Variants in IL15 observed in about 807,000 individuals in gnomAD.
The protein encoded by IL15 is interleukin 15, also known as interleukin-15.
A neutral mutation model predicts 19.6 loss-of-function variants in IL15; 11 were observed. That is an observed-to-expected ratio of 0.56 (90% CI 0.35 to 0.93). The LOEUF is 0.93. Among genes scored for constraint, IL15 ranks in the 40% least tolerant of loss-of-function variants. IL15 has a pLI of 0.01. For missense variants in IL15, 197 were observed against 186.5 expected, an observed-to-expected ratio of 1.06 and a Z score of -0.33; for synonymous variants, 58 against 59.6, an observed-to-expected ratio of 0.97 and a Z score of 0.12.
intron 2 of IL15, among the ~76,000 whole-genome samples, chr4:141,679,115 G>A (rs1458667287): frequency 3.9e-5 from 6 of 152,128 alleles, no homozygotes; most frequent in Admixed American, 3.3e-4. Context: ...GGTATTAGGA[G>A]CAGTATGGAT....
chr4:141,641,155 C>A (rs1455215976), intron 1 of IL15, among the ~76,000 whole-genome samples: 1 of 152,152 alleles, frequency 6.6e-6, no homozygotes, highest in Admixed American at 6.5e-5. Flanking sequence ...CTTAATTGAA[C>A]ATTTTACTGT....
At position 141,661,555 on chromosome 4, in the gene IL15, T is replaced by C. The variant is rs184548823; in HGVS notation, c.-100+5248T>C. 5.5e-4 allele frequency among the ~76,000 whole-genome samples: 84 copies of C among 152,320 alleles called. 1 individual carries two copies. The East Asian group carries it at 0.01, about 19-fold the overall frequency. The stretch of plus-strand genomic sequence containing the variant: ...ATCCTGACAGGCAGAGTCGGATTCC[T>C]GCCTGCACTGTGCACTTAGTGCCTG... On this transcript the variant is annotated intron_variant, in intron 2 of 7. Transcript: ENST00000320650.
intron 2 of IL15, among the ~76,000 whole-genome samples, chr4:141,696,162 C>A (rs1379320162): frequency 1.3e-5 from 2 of 152,020 alleles, no homozygotes; most frequent in Non-Finnish European, 2.9e-5. Context: ...TGTGATGATG[C>A]AATTTTCCAG....
chr4:141,721,164 A>G (rs1329447484), intron 4 of IL15: 1 of 1,265,010 alleles, frequency 7.9e-7, no homozygotes, highest in Non-Finnish European at 1.1e-6. Flanking sequence ...ATTGGGAACC[A>G]TAGATTTGTG....
At chr4:141,649,758 T>G (rs972883123) in intron 1 of IL15, among the ~76,000 whole-genome samples, 3 of 152,082 alleles carry the variant, frequency 2.0e-5, no homozygotes, top group African/African-American at 7.2e-5. Context: ...CAATTAAATA[T>G]GGTTTATTTG....
chr4:141,652,171 T>G (rs899056409), intron 1 of IL15, among the ~76,000 whole-genome samples: 1 of 152,140 alleles, frequency 6.6e-6, no homozygotes, highest in African/African-American at 2.4e-5. Context: ...TTTATAATAA[T>G]AGTTTTGATA....
chr4:141,645,275 G>A (rs1164195922), intron 1 of IL15, among the ~76,000 whole-genome samples: 2 of 152,052 alleles, frequency 1.3e-5, no homozygotes, highest in Non-Finnish European at 2.9e-5. Context: ...ATTTTTAGAA[G>A]CCTTTTGACT....
At position 141,732,894 on chromosome 4, in the gene IL15, A is replaced by G; in HGVS notation, c.*46A>G. Reference sequence around the variant, plus strand: ...AGTGTTTCTGTTATTAACAAACATCACTCTGCTGCTTAGACATAACAAAAC... The same window carrying G: ...AGTGTTTCTGTTATTAACAAACATCGCTCTGCTGCTTAGACATAACAAAAC... On this transcript the variant is annotated 3_prime_UTR_variant, in exon 8 of 8. Transcript: ENST00000320650. The G allele has an allele frequency of 1.3e-6, 2 of 1,588,564 alleles. 1 individual carries two copies. Among genetic ancestry groups the G allele is most frequent in the South Asian group, 2.3e-5 (2 of 85,594 alleles).
At chr4:141,641,069 C>T (rs985864247) in intron 1 of IL15, among the ~76,000 whole-genome samples, 3 of 152,074 alleles carry the variant, frequency 2.0e-5, no homozygotes, top group African/African-American at 7.2e-5. Flanking sequence ...TGCTTATGTG[C>T]CTTCTAATAG....
intron 2 of IL15, among the ~76,000 whole-genome samples, chr4:141,661,410 A>T (rs1338164177): frequency 1.3e-5 from 2 of 152,078 alleles, no homozygotes; most frequent in African/African-American, 2.4e-5. Flanking sequence ...AAAAGGAGAG[A>T]AATGCATTGG....
At chr4:141,694,131 A>T (rs532867196) in intron 2 of IL15, among the ~76,000 whole-genome samples, 101 of 152,246 alleles carry the variant, frequency 6.6e-4, no homozygotes, top group Non-Finnish European at 1.2e-3. Flanking sequence ...AAGGGAAAAC[A>T]GAGCAGATGG....
At chr4:141,690,212 G>A (rs938395623) in intron 2 of IL15, among the ~76,000 whole-genome samples, 2 of 152,154 alleles carry the variant, frequency 1.3e-5, no homozygotes, top group East Asian at 1.9e-4. Flanking sequence ...AGCGCCGCAC[G>A]CAGGCCCGGT....
chr4:141,719,861 C>T (rs575132367), intron 3 of IL15, among the ~76,000 whole-genome samples: 2 of 151,988 alleles, frequency 1.3e-5, no homozygotes, highest in Admixed American at 6.6e-5. Context: ...TTAAAAGCTT[C>T]GACAACACAA....
chr4:141,700,265 T>C (rs1308974021), intron 2 of IL15, among the ~76,000 whole-genome samples: 1 of 152,184 alleles, frequency 6.6e-6, no homozygotes, highest in Non-Finnish European at 1.5e-5. Context: ...TATTGAACTT[T>C]TGTTTTAAGA....
At position 141,732,891 on chromosome 4, in the gene IL15, A is replaced by G. The variant is rs370092969; in HGVS notation, c.*43A>G. 496 of 1,591,412 alleles carry G rather than the reference A, an allele frequency of 3.1e-4. No individual in the cohort carries two copies. The highest frequency in any genetic ancestry group is 6.7e-4 in the Middle Eastern group (4 of 5,984). On this transcript the variant is annotated 3_prime_UTR_variant, in exon 8 of 8. Coordinates refer to ENST00000320650, the MANE Select transcript of IL15 (RefSeq NM_000585.5). ...TAAAGTGTTTCTGTTATTAACAAAC[A>G]TCACTCTGCTGCTTAGACATAACAA...
rs553250969 is a variant in IL15, at chr4:141,651,237, A to G, written c.-221-4949A>G. Reference sequence around the variant, plus strand: ...ACATATATATACACATACACAATGAAATACTATTCAGCCATAAAAATATTA... The same window carrying G: ...ACATATATATACACATACACAATGAGATACTATTCAGCCATAAAAATATTA... On this transcript the variant is annotated intron_variant, in intron 1 of 7. Transcript: ENST00000320650. 5.9e-5 allele frequency among the ~76,000 whole-genome samples: 9 copies of G among 152,088 alleles called. No individual in the cohort carries two copies. The South Asian group carries it at 1.9e-3, about 32-fold the overall frequency.
At chr4:141,693,092 T>C (rs1728976601) in intron 2 of IL15, among the ~76,000 whole-genome samples, 1 of 134,186 alleles carries the variant, frequency 7.5e-6, no homozygotes, top group Non-Finnish European at 1.5e-5. Context: ...TTTAACTGAC[T>C]CACATTTCTA....
chr4:141,672,281 T>G (rs959008323), intron 2 of IL15, among the ~76,000 whole-genome samples: 1 of 152,234 alleles, frequency 6.6e-6, no homozygotes, highest in Non-Finnish European at 1.5e-5. Context: ...GGTAAATTTT[T>G]ACTTTACTGC....
chr4:141,706,576 C>T (rs1729523387), intron 2 of IL15, among the ~76,000 whole-genome samples: 2 of 152,088 alleles, frequency 1.3e-5, no homozygotes, highest in Admixed American at 1.3e-4. Context: ...AATTGTACCA[C>T]TCCTTTAAGC....
Sources: gnomAD v4.1 joint callset for allele counts (sites outside exome capture counted in the v4.1 genomes callset) on GRCh38, gnomAD v4.1.1 for gene constraint, MANE v1.5 for transcripts, NCBI Gene and HGNC (gene_info 2026-07-23, HGNC 2026-07-21) for gene names.